The following FRMD4A variants were observed in gnomAD, a reference collection of about 807,000 sequenced individuals.
The protein encoded by FRMD4A is FERM domain containing 4A.
A neutral mutation model predicts 129.1 loss-of-function variants in FRMD4A; 29 were observed. The ratio of observed to expected loss-of-function variants is 0.22; its 90% CI spans 0.17 to 0.31. FRMD4A has a LOEUF of 0.31. Among genes scored for constraint, FRMD4A ranks in the 10% least tolerant of loss-of-function variants. The pLI, the probability that FRMD4A is intolerant of heterozygous loss-of-function variation, is 1.00. For synonymous variants in FRMD4A, 634 were observed against 571.6 expected, an observed-to-expected ratio of 1.11 and a Z score of -1.56; for missense variants, 1,272 against 1,375.8, an observed-to-expected ratio of 0.92 and a Z score of 1.19.
At chr10:14,167,518 C>G (rs1420513219) in intron 2 of FRMD4A, among the ~76,000 whole-genome samples, 1 of 104,906 alleles carries the variant, frequency 9.5e-6, no homozygotes, top group Non-Finnish European at 1.7e-5. Context: ...GCCTGGGTGA[C>G]AGAGCAAGAC....
At chr10:13,726,733 G>A (rs1282212829) in intron 12 of FRMD4A, among the ~76,000 whole-genome samples, 1 of 151,846 alleles carries the variant, frequency 6.6e-6, no homozygotes, top group Non-Finnish European at 1.5e-5. Flanking sequence ...ACCTCCTCAA[G>A]GCTCCAAAGT....
intron 2 of FRMD4A, among the ~76,000 whole-genome samples, chr10:14,105,014 C>A (rs1232692841): frequency 1.3e-5 from 2 of 152,186 alleles, no homozygotes; most frequent in Non-Finnish European, 2.9e-5. Flanking sequence ...TCACGGGGTC[C>A]CCACGCCGCA....
intron 3 of FRMD4A, among the ~76,000 whole-genome samples, chr10:13,812,249 G>T (rs1404605353): frequency 6.6e-6 from 1 of 152,176 alleles, no homozygotes; most frequent in Non-Finnish European, 1.5e-5. Flanking sequence ...AAATGCATGC[G>T]TTAAAGCTCT....
chr10:13,828,781 C>G (rs2093744290), intron 3 of FRMD4A, among the ~76,000 whole-genome samples: 2 of 152,202 alleles, frequency 1.3e-5, no homozygotes, highest in Non-Finnish European at 2.9e-5. Flanking sequence ...ATCCGCCCGC[C>G]TTGGCCTCGC....
At chr10:13,802,096 C>T (rs552442785) in intron 4 of FRMD4A, among the ~76,000 whole-genome samples, 3 of 149,296 alleles carry the variant, frequency 2.0e-5, no homozygotes, top group Non-Finnish European at 4.4e-5. Context: ...AGCAAGATAA[C>T]GCTCATTTGG....
At chr10:13,869,522 T>C (rs1189810224) in intron 2 of FRMD4A, among the ~76,000 whole-genome samples, 1 of 152,178 alleles carries the variant, frequency 6.6e-6, no homozygotes, top group Non-Finnish European at 1.5e-5. Context: ...CTGACTACAA[T>C]GACAAGGGCA....
At chr10:14,143,277 T>C (rs1839925970) in intron 2 of FRMD4A, among the ~76,000 whole-genome samples, 2 of 152,220 alleles carry the variant, frequency 1.3e-5, no homozygotes, top group South Asian at 4.1e-4. Context: ...GGTATATACA[T>C]ACAATTAAAT....
At chr10:14,161,215 C>T (rs997618655) in intron 2 of FRMD4A, among the ~76,000 whole-genome samples, 1 of 152,208 alleles carries the variant, frequency 6.6e-6, no homozygotes, top group South Asian at 2.1e-4. Flanking sequence ...CTCGGCCTCC[C>T]AAAGTGCTGG....
At chr10:14,103,745 G>C (rs574380087) in intron 2 of FRMD4A, among the ~76,000 whole-genome samples, 1 of 152,092 alleles carries the variant, frequency 6.6e-6, no homozygotes, top group Non-Finnish European at 1.5e-5. Flanking sequence ...TCACTTGCCC[G>C]CCCTATGGCC....
intron 18 of FRMD4A, among the ~76,000 whole-genome samples, chr10:13,664,419 T>C (rs2082857809): frequency 6.6e-6 from 1 of 152,162 alleles, no homozygotes; most frequent in Admixed American, 6.5e-5. Flanking sequence ...TTGTGTGGTC[T>C]TGGCCAAGGA....
At chr10:13,980,807 C>T (rs1009848874) in intron 2 of FRMD4A, among the ~76,000 whole-genome samples, 1 of 152,102 alleles carries the variant, frequency 6.6e-6, no homozygotes, top group Non-Finnish European at 1.5e-5. Flanking sequence ...AAACCACACC[C>T]AGACCAACGA....
intron 2 of FRMD4A, among the ~76,000 whole-genome samples, chr10:13,978,222 C>T (rs920498929): frequency 1.3e-5 from 2 of 152,128 alleles, no homozygotes; most frequent in Non-Finnish European, 2.9e-5. Context: ...GATTCTATGA[C>T]GTGGCCTTTG....
intron 8 of FRMD4A, among the ~76,000 whole-genome samples, chr10:13,749,891 T>C (rs1386155492): frequency 4.6e-5 from 7 of 150,882 alleles, no homozygotes; most frequent in African/African-American, 2.4e-5. Context: ...CAGGATGAGG[T>C]TGCAGTAAGC....
rs939908253 is a variant in FRMD4A at position 14,200,581 on chromosome 10, G to A, written c.45+129477C>T. ...GCTACAGACAGGGATGTGGAGAAGA[G>A]ACACTAAGGGAGAGAAGTTCAATGG... is the stretch of plus-strand genomic sequence containing the variant. On this transcript the variant is annotated intron_variant, in intron 2 of 24. Transcript: ENST00000357447. 2.0e-5 allele frequency among the ~76,000 whole-genome samples: 3 copies of A among 152,196 alleles called. 1 individual carries two copies. Among genetic ancestry groups the A allele is most frequent in the African/African-American group, 7.2e-5 (3 of 41,456 alleles).
intron 2 of FRMD4A, among the ~76,000 whole-genome samples, chr10:14,134,982 A>T (rs1192690661): frequency 6.6e-6 from 1 of 152,234 alleles, no homozygotes; most frequent in African/African-American, 2.4e-5. Flanking sequence ...AGGGAAATTG[A>T]AGAGATGTTG....
chr10:13,771,083 C>T (rs1413962582), intron 6 of FRMD4A, among the ~76,000 whole-genome samples: 6 of 152,026 alleles, frequency 3.9e-5, no homozygotes, highest in African/African-American at 1.2e-4. Context: ...TACTTAAACT[C>T]CATTTTTTTT....
intron 2 of FRMD4A, among the ~76,000 whole-genome samples, chr10:14,294,410 G>C (rs193071242): frequency 3.3e-5 from 5 of 152,184 alleles, no homozygotes; most frequent in African/African-American, 1.2e-4. Flanking sequence ...CACAAGGCTT[G>C]ACATAGATAC....
chr10:13,733,378 G>T (rs2135028137), intron 12 of FRMD4A, among the ~76,000 whole-genome samples: 1 of 152,300 alleles, frequency 6.6e-6, no homozygotes, highest in East Asian at 1.9e-4. Flanking sequence ...GGGGTGGGGG[G>T]GTACCCCTAG....
chr10:13,796,329 G>A lies in FRMD4A; in HGVS notation c.299+167C>T, dbSNP rs3740123. Among the ~76,000 whole-genome samples the A allele has an allele frequency of 0.32, 48,836 of 151,940 alleles. 8,072 individuals are homozygous for A. The highest frequency in any genetic ancestry group is 0.44 in the East Asian group (2,281 of 5,180). ...ACTCACAGGCACACCCTGCACCCTC[G>A]CACCCCGCCTTTCCATCTATGAGGC... On this transcript the variant is annotated intron_variant, in intron 5 of 24. Transcript: ENST00000357447.
Sources: allele counts gnomAD v4.1 joint callset (sites outside exome capture counted in the v4.1 genomes callset), GRCh38; gene constraint gnomAD v4.1.1; transcripts MANE v1.5; gene names NCBI Gene and HGNC (gene_info 2026-07-23, HGNC 2026-07-21).